The following ENOX1 variants were observed in gnomAD, a reference collection of about 807,000 sequenced individuals.
ENOX1 encodes ecto-NOX disulfide-thiol exchanger 1.
Under a neutral mutation model 82.5 loss-of-function variants are expected in ENOX1, and 42 were observed. The ratio of observed to expected loss-of-function variants is 0.51; its 90% CI spans 0.40 to 0.66. The LOEUF is 0.66. ENOX1 is among the 30% of genes least tolerant of loss of function. ENOX1 has a pLI of 0.00. For missense variants in ENOX1, 608 were observed against 811.6 expected, an observed-to-expected ratio of 0.75 and a Z score of 3.05; for synonymous variants, 271 against 282.2, an observed-to-expected ratio of 0.96 and a Z score of 0.40.
intron 2 of ENOX1, among the ~76,000 whole-genome samples, chr13:43,633,623 T>A (rs1474298935): frequency 6.6e-6 from 1 of 152,008 alleles, no homozygotes; most frequent in Non-Finnish European, 1.5e-5. Flanking sequence ...TATATTATTA[T>A]ATAAAAAAAC....
intron 14 of ENOX1, among the ~76,000 whole-genome samples, chr13:43,250,255 T>C (rs141359606): frequency 2.2e-3 from 328 of 152,318 alleles, no homozygotes; most frequent in Non-Finnish European, 3.3e-3. Context: ...CTCCGGAAAC[T>C]ATAGCTTCTC....
intron 3 of ENOX1, among the ~76,000 whole-genome samples, chr13:43,472,771 G>A (rs1430678808): frequency 6.6e-6 from 1 of 152,142 alleles, no homozygotes; most frequent in East Asian, 1.9e-4. Context: ...GTTCTATGAA[G>A]GTCTTCCAGG....
At chr13:43,413,386 T>G (rs775848116) in intron 3 of ENOX1, among the ~76,000 whole-genome samples, 6 of 152,058 alleles carry the variant, frequency 3.9e-5, no homozygotes, top group Non-Finnish European at 5.9e-5. Context: ...AGTTAAAAAA[T>G]TAATTGATGC....
chr13:43,405,141 C>T (rs1458178807), intron 5 of ENOX1, among the ~76,000 whole-genome samples: 1 of 152,158 alleles, frequency 6.6e-6, no homozygotes, highest in African/African-American at 2.4e-5. Context: ...TATTTGTAAG[C>T]TGAAGAGACA....
intron 5 of ENOX1, among the ~76,000 whole-genome samples, chr13:43,364,317 C>T (rs1388137522): frequency 6.6e-6 from 1 of 152,178 alleles, no homozygotes; most frequent in Non-Finnish European, 1.5e-5. Context: ...TGTAATTCTA[C>T]TCAGCGCAAA....
intron 2 of ENOX1, among the ~76,000 whole-genome samples, chr13:43,659,844 C>G (rs781474300): frequency 1.6e-4 from 25 of 152,288 alleles, no homozygotes; most frequent in Non-Finnish European, 2.9e-4. Flanking sequence ...GAGCAGAGAA[C>G]AGAAGGTATT....
chr13:43,623,928 T>C (rs1389376004), intron 2 of ENOX1, among the ~76,000 whole-genome samples: 1 of 152,188 alleles, frequency 6.6e-6, no homozygotes, highest in Non-Finnish European at 1.5e-5. Flanking sequence ...AGTATTCATT[T>C]CTCCAAGATA....
Position 43,502,950 on chromosome 13 carries a change from T to G in ENOX1, c.-218-18798A>C, listed in dbSNP as rs184474220. On this transcript the variant is annotated intron_variant, in intron 2 of 16. Coordinates refer to ENST00000690772, the MANE Select transcript of ENOX1 (RefSeq NM_001347969.2). Reference sequence around the variant, plus strand: ...AATAATCTGTTTGCTGATGACATGATTTTATATACAGAAAACTCTAAGAAG... The same window carrying G: ...AATAATCTGTTTGCTGATGACATGAGTTTATATACAGAAAACTCTAAGAAG... Among the ~76,000 whole-genome samples, 148 of 151,696 alleles carry G rather than the reference T, an allele frequency of 9.8e-4. 1 individual carries two copies. The highest frequency in any genetic ancestry group is 7.4e-3 in the East Asian group (38 of 5,170).
chr13:43,502,038 C>T (rs1235915605), intron 2 of ENOX1, among the ~76,000 whole-genome samples: 1 of 151,158 alleles, frequency 6.6e-6, no homozygotes, highest in African/African-American at 2.4e-5. Context: ...AAAAGAGGGG[C>T]CATTATAACT....
intron 9 of ENOX1, among the ~76,000 whole-genome samples, chr13:43,328,749 A>G (rs1465906835): frequency 1.3e-5 from 2 of 152,182 alleles, no homozygotes; most frequent in African/African-American, 4.8e-5. Flanking sequence ...GTGCTATTAG[A>G]TATTTCCTGT....
intron 15 of ENOX1, among the ~76,000 whole-genome samples, chr13:43,227,305 C>T (rs970616891): frequency 2.6e-5 from 4 of 152,182 alleles, no homozygotes; most frequent in Non-Finnish European, 2.9e-5. Context: ...CCTGGGTCTG[C>T]ACCCCAAGGA....
chr13:43,534,701 G>A (rs1166710147), intron 2 of ENOX1, among the ~76,000 whole-genome samples: 1 of 152,120 alleles, frequency 6.6e-6, no homozygotes, highest in Non-Finnish European at 1.5e-5. Context: ...TTGTCAACTG[G>A]CAACAATTTT....
At chr13:43,390,499 T>A (rs938222651) in intron 5 of ENOX1, among the ~76,000 whole-genome samples, 7 of 152,224 alleles carry the variant, frequency 4.6e-5, no homozygotes, top group Admixed American at 2.0e-4. Context: ...TGGTGGCTTA[T>A]GATAATACTT....
intron 5 of ENOX1, among the ~76,000 whole-genome samples, chr13:43,366,236 T>TA (rs1192668914): frequency 6.6e-6 from 1 of 151,918 alleles, no homozygotes; most frequent in Non-Finnish European, 1.5e-5. Context: ...AAGGTGATCT[T>TA]AAAGTCAAGG....
intron 3 of ENOX1, among the ~76,000 whole-genome samples, chr13:43,421,279 T>G (rs1206595986): frequency 6.6e-6 from 1 of 152,224 alleles, no homozygotes; most frequent in Non-Finnish European, 1.5e-5. Flanking sequence ...ATCCATTAAG[T>G]TGAAAAAATA....
intron 11 of ENOX1, among the ~76,000 whole-genome samples, chr13:43,299,851 C>A (rs1451687935): frequency 6.6e-6 from 1 of 152,192 alleles, no homozygotes; most frequent in Non-Finnish European, 1.5e-5. Context: ...GTCGTCAGTG[C>A]ATGCGCGTTT....
At chr13:43,627,337 T>C (rs1383720844) in intron 2 of ENOX1, among the ~76,000 whole-genome samples, 5 of 152,034 alleles carry the variant, frequency 3.3e-5, no homozygotes, top group African/African-American at 9.7e-5. Flanking sequence ...TTTTCATCTC[T>C]GTTTTTTCTT....
chr13:43,438,600 T>G (rs2056172358), intron 3 of ENOX1, among the ~76,000 whole-genome samples: 1 of 152,162 alleles, frequency 6.6e-6, no homozygotes, highest in African/African-American at 2.4e-5. Flanking sequence ...GCTTCAATAT[T>G]AAACTTACAA....
At chr13:43,421,287 A>G (rs1032940263) in intron 3 of ENOX1, among the ~76,000 whole-genome samples, 9 of 152,242 alleles carry the variant, frequency 5.9e-5, no homozygotes, top group African/African-American at 1.9e-4. Flanking sequence ...AGTTGAAAAA[A>G]TAGTAAGATG....
Sources: allele counts gnomAD v4.1 joint callset (sites outside exome capture counted in the v4.1 genomes callset), GRCh38; gene constraint gnomAD v4.1.1; transcripts MANE v1.5; gene names NCBI Gene and HGNC (gene_info 2026-07-23, HGNC 2026-07-21).